Variants in TNS3 observed in about 807,000 individuals in gnomAD.
The protein encoded by TNS3 is tensin 3.
In TNS3, 45 loss-of-function variants were observed where a neutral mutation model predicts 140.9. The ratio of observed to expected loss-of-function variants is 0.32; its 90% CI spans 0.25 to 0.41. The LOEUF (loss-of-function observed/expected upper bound fraction) is 0.41, where lower values mean the gene tolerates loss of function less well. TNS3 is among the 10% of genes least tolerant of loss of function. TNS3 has a pLI of 1.00. For synonymous variants in TNS3, 815 were observed against 788.4 expected (o/e 1.03, Z -0.56); for missense variants, 1,716 against 1,906.7 (o/e 0.90, Z 1.86).
At chr7:47,506,831 GC>G in intron 3 of TNS3, 75 bp downstream of exon 3, 7 of 1,130,248 alleles carry the variant, frequency 6.2e-6, no homozygotes, top group South Asian at 4.1e-5. Flanking sequence ...GTCCAAAGAG[GC>G]CCCCCCACAC....
chr7:47,334,915 G>A (rs928499151), intron 20 of TNS3, among the ~76,000 whole-genome samples: 1 of 152,048 alleles, frequency 6.6e-6, no homozygotes, highest in African/African-American at 2.4e-5. Context: ...CGAGAACCAC[G>A]ACTTTTTAAA....
chr7:47,378,633 T>C (rs1387565527), intron 16 of TNS3, among the ~76,000 whole-genome samples: 1 of 152,226 alleles, frequency 6.6e-6, no homozygotes, highest in Non-Finnish European at 1.5e-5. Flanking sequence ...AAGCACTTCG[T>C]ACCTATTGTC....
Position 47,571,457 on chromosome 7 carries a change from T to C in TNS3, c.-265+10594A>G, listed in dbSNP as rs536807784. ...GGCTGCACCCACGCTGGGGACTTCC[T>C]CTTGTTTGCTCAAAGCCATCTGGCA... On this transcript the variant is annotated intron_variant, in intron 1 of 30. Coordinates refer to ENST00000311160, the MANE Select transcript of TNS3 (RefSeq NM_022748.12). 1.5e-3 allele frequency among the ~76,000 whole-genome samples: 221 copies of C among 152,324 alleles called. 2 individuals are homozygous for C. Among genetic ancestry groups the C allele is most frequent in the Middle Eastern group, 0.01 (3 of 294 alleles).
chr7:47,531,502 G>C (rs1282007077), intron 1 of TNS3, among the ~76,000 whole-genome samples: 1 of 152,200 alleles, frequency 6.6e-6, no homozygotes, highest in Non-Finnish European at 1.5e-5. Flanking sequence ...TACACCAACA[G>C]ATGAAGAGCA....
intron 13 of TNS3, among the ~76,000 whole-genome samples, chr7:47,404,476 A>G (rs1793331990): frequency 6.6e-6 from 1 of 152,224 alleles, no homozygotes; most frequent in Admixed American, 6.5e-5. Context: ...TCAAAAACAT[A>G]TAGGGTGAAT....
chr7:47,582,308 G>A, upstream of TNS3: 1 of 392,682 alleles, frequency 2.5e-6, no homozygotes, highest in South Asian at 1.9e-5. Context: ...GCCGAGGTGC[G>A]CCCTGGGACC....
At chr7:47,372,155 C>T (rs1345065926) in intron 16 of TNS3, among the ~76,000 whole-genome samples, 1 of 152,240 alleles carries the variant, frequency 6.6e-6, no homozygotes, top group Non-Finnish European at 1.5e-5. Flanking sequence ...ACAGAAACTA[C>T]TCCTCCTCCC....
At chr7:47,410,057 C>T (rs1455440155) in intron 13 of TNS3, among the ~76,000 whole-genome samples, 1 of 152,120 alleles carries the variant, frequency 6.6e-6, no homozygotes, top group Non-Finnish European at 1.5e-5. Flanking sequence ...TCAGGCCCTT[C>T]GTCCAACGAT....
chr7:47,291,811 T>C, intron 27 of TNS3, 144 bp downstream of exon 27: 1 of 869,732 alleles, frequency 1.1e-6, no homozygotes, highest in Non-Finnish European at 1.8e-6. Context: ...CCCAGCTCTG[T>C]GCAAGCTTCT....
intron 4 of TNS3, among the ~76,000 whole-genome samples, chr7:47,442,309 C>T (rs1795505466): frequency 6.6e-6 from 1 of 152,254 alleles, no homozygotes; most frequent in Non-Finnish European, 1.5e-5. Flanking sequence ...GGCCACCCTC[C>T]AGTCAGGGCA....
intron 8 of TNS3, among the ~76,000 whole-genome samples, chr7:47,429,569 A>G (rs1050860486): frequency 1.3e-5 from 2 of 152,120 alleles, no homozygotes; most frequent in Admixed American, 6.5e-5. Context: ...GGGTTTCACC[A>G]TGTTAGCCAG....
At chr7:47,347,274 G>A (rs1230373168) in intron 17 of TNS3, among the ~76,000 whole-genome samples, 1 of 152,148 alleles carries the variant, frequency 6.6e-6, no homozygotes, top group East Asian at 1.9e-4. Flanking sequence ...CTCTTAGAAT[G>A]ACTTTGTTCC....
At chr7:47,297,493 G>GC (rs941241044) in intron 23 of TNS3, among the ~76,000 whole-genome samples, 2 of 152,302 alleles carry the variant, frequency 1.3e-5, no homozygotes, top group African/African-American at 4.8e-5. Context: ...AGACTGAGGT[G>GC]CCGGGCACTG....
intron 2 of TNS3, among the ~76,000 whole-genome samples, chr7:47,509,695 CCCCCTGCCTGCCCTA>C (rs1293065222): frequency 7.9e-5 from 12 of 152,168 alleles, no homozygotes; most frequent in African/African-American, 1.9e-4. Flanking sequence ...CAGGAGACAG[CCCCCTGCCTGCCCTA>C]CCCCTGCCTG....
rs113493033 is a variant in TNS3 at position 47,402,256 on chromosome 7, T to G, written c.724-1342A>C. ...TAAACCAAAAAAATATAATTAAGAC[T>G]GTGGAAGGATGTTCCCTGTTGACAA... is the stretch of plus-strand genomic sequence containing the variant. On this transcript the variant is annotated intron_variant, in intron 13 of 30. Coordinates refer to ENST00000311160, the MANE Select transcript of TNS3 (RefSeq NM_022748.12). Among the ~76,000 whole-genome samples the G allele has an allele frequency of 2.4e-3, 366 of 152,284 alleles. 1 individual carries two copies. The highest frequency in any genetic ancestry group is 3.7e-3 in the Non-Finnish European group (251 of 68,012).
At chr7:47,530,728 G>A (rs1799361125) in intron 1 of TNS3, among the ~76,000 whole-genome samples, 1 of 149,706 alleles carries the variant, frequency 6.7e-6, no homozygotes, top group African/African-American at 2.5e-5. Context: ...GGAGGCTAAG[G>A]CAGGAAATCG....
chr7:47,465,562 C>T (rs1374765514), intron 4 of TNS3, among the ~76,000 whole-genome samples: 10 of 152,198 alleles, frequency 6.6e-5, no homozygotes, highest in African/African-American at 1.2e-4. Context: ...ACACCCCCTA[C>T]CCAACTGTGC....
chr7:47,345,075 G>T lies in TNS3; in HGVS notation c.2452-37C>A, dbSNP rs376011095. The T allele has an allele frequency of 9.7e-5, 151 of 1,558,066 alleles. No homozygotes were observed. In the Middle Eastern group the frequency reaches 2.1e-3, roughly 21 times the overall value. On this transcript the variant is annotated intron_variant, in intron 18 of 30. Coordinates refer to ENST00000311160, the MANE Select transcript of TNS3 (RefSeq NM_022748.12). ...ACAGGGAGTAGAATGTGAGAACAGG[G>T]AGTCAAGTGAAGGCCCCTCCAAACA...
chr7:47,414,850 A>G (rs1793986495), intron 11 of TNS3, among the ~76,000 whole-genome samples: 1 of 152,150 alleles, frequency 6.6e-6, no homozygotes, highest in Non-Finnish European at 1.5e-5. Flanking sequence ...GCATATACAC[A>G]GGGGTATTTC....
Sources: gnomAD v4.1 joint callset for allele counts (sites outside exome capture counted in the v4.1 genomes callset) on GRCh38, gnomAD v4.1.1 for gene constraint, MANE v1.5 for transcripts, NCBI Gene and HGNC (gene_info 2026-07-23, HGNC 2026-07-21) for gene names.